PDE6D: variants seen among roughly 807,000 people sequenced by gnomAD.
PDE6D encodes the protein phosphodiesterase 6D.
PDE6D carries 10 observed loss-of-function variants against 21.9 expected under a neutral mutation model. The ratio of observed to expected loss-of-function variants is 0.46; its 90% CI spans 0.28 to 0.78. The LOEUF is 0.78. PDE6D is among the 30% of genes least tolerant of loss of function. The pLI, the probability that PDE6D is intolerant of heterozygous loss-of-function variation, is 0.12. For synonymous variants in PDE6D, 59 were observed against 63.5 expected (o/e 0.93, Z 0.34); for missense variants, 139 against 184.8 (o/e 0.75, Z 1.44).
At chr2:231,766,677 C>T (rs182127329) in intron 1 of PDE6D, among the ~76,000 whole-genome samples, 99 of 152,264 alleles carry the variant, frequency 6.5e-4, no homozygotes, top group African/African-American at 2.3e-3. Context: ...AAACTCAACT[C>T]CTTCAAATTA....
chr2:231,766,078 T>C (rs141803652), intron 1 of PDE6D, among the ~76,000 whole-genome samples: 1 of 152,296 alleles, frequency 6.6e-6, no homozygotes, highest in Non-Finnish European at 1.5e-5. Context: ...ATTTTCCCAT[T>C]TATGGGGGAT....
At chr2:231,763,423 G>A (rs2106280538) in intron 1 of PDE6D, among the ~76,000 whole-genome samples, 1 of 152,138 alleles carries the variant, frequency 6.6e-6, no homozygotes, top group South Asian at 2.1e-4. Flanking sequence ...CATGTATTGA[G>A]GTACTGTGTA....
chr2:231,754,298 A>G (rs2048865873), intron 1 of PDE6D, among the ~76,000 whole-genome samples: 1 of 152,124 alleles, frequency 6.6e-6, no homozygotes, highest in African/African-American at 2.4e-5. Context: ...GAATCTCTCT[A>G]AAACAAATCA....
At position 231,758,670 on chromosome 2, in the gene PDE6D, T is replaced by C. The variant is rs546133625; in HGVS notation, c.51-19482A>G. The stretch of plus-strand genomic sequence containing the variant: ...CCACTGAAGCCAGGGTGGGGAACCA[T>C]GACTTGACAAAGTGTCTCCTAATCC... On this transcript the variant is annotated intron_variant, in intron 1 of 4. Transcript: ENST00000287600. 6.6e-5 allele frequency among the ~76,000 whole-genome samples: 10 copies of C among 152,294 alleles called. No homozygotes were observed. In the East Asian group the frequency reaches 1.9e-3, roughly 29 times the overall value.
chr2:231,779,464 C>T (rs1170989292), intron 1 of PDE6D: 1 of 142,680 alleles, frequency 7.0e-6, no homozygotes, highest in Non-Finnish European at 1.6e-5. Flanking sequence ...AACGTTGCTT[C>T]TGAAATCTCT....
chr2:231,739,136 T>C lies in PDE6D; in HGVS notation c.103A>G (p.Thr35Ala), dbSNP rs1448692172. The change falls in exon 2 of 5, where the codon ACA becomes GCA. Residue 35 changes from threonine to alanine, a missense_variant. Coordinates refer to ENST00000287600, the MANE Select transcript of PDE6D (RefSeq NM_002601.4). The surrounding 1 kb of genome is among the most constrained non-coding windows in gnomAD (Gnocchi z 4.2). ...AETGKILWQG[T>A]EDLSVPGVEH... ...ACACCAGGGACAGACAGGTCTTCTG[T>C]TCCTTGCCAGAGTATCTTCCCTGTC... 5.6e-6 allele frequency: 9 copies of C among 1,613,178 alleles called. No individual in the cohort carries two copies. In the South Asian group the frequency reaches 6.6e-5, roughly 12 times the overall value.
At chr2:231,750,687 T>A (rs2048832745) in intron 1 of PDE6D, among the ~76,000 whole-genome samples, 2 of 130,370 alleles carry the variant, frequency 1.5e-5, no homozygotes, top group African/African-American at 6.4e-5. Flanking sequence ...TTTTTTTTTT[T>A]AGTATAGACT....
At chr2:231,758,025 T>A (rs956188484) in intron 1 of PDE6D, among the ~76,000 whole-genome samples, 1 of 152,172 alleles carries the variant, frequency 6.6e-6, no homozygotes, top group Non-Finnish European at 1.5e-5. Context: ...GGGTTTAATA[T>A]TTTGATGTAT....
rs191344868 is a variant in PDE6D, at chr2:231,739,780, C to T, written c.51-592G>A. 4.6e-5 allele frequency among the ~76,000 whole-genome samples: 7 copies of T among 152,022 alleles called. No individual in the cohort carries two copies. Among genetic ancestry groups the T allele is most frequent in the Non-Finnish European group, 1.0e-4 (7 of 68,012 alleles). ...CTGAGTAGCTGGAATTATAGGAGCA[C>T]GTCACCAAGCCCAGCTTATTTTTGT... On this transcript the variant is annotated intron_variant, in intron 1 of 4. Coordinates refer to ENST00000287600, the MANE Select transcript of PDE6D (RefSeq NM_002601.4). The surrounding 1 kb of genome is among the most constrained non-coding windows in gnomAD (Gnocchi z 4.2).
chr2:231,749,328 A>T (rs890158246), intron 1 of PDE6D, among the ~76,000 whole-genome samples: 2 of 152,024 alleles, frequency 1.3e-5, no homozygotes, highest in Non-Finnish European at 2.9e-5. Flanking sequence ...TGGATTTTGG[A>T]CTTGCATGGG....
chr2:231,734,708 G>C (rs995855510), intron 4 of PDE6D, among the ~76,000 whole-genome samples: 2 of 150,694 alleles, frequency 1.3e-5, no homozygotes, highest in African/African-American at 4.9e-5. Context: ...ATAGCCGGGC[G>C]TGGTGGCGGG....
chr2:231,740,755 G>A (rs2106263243), intron 1 of PDE6D, among the ~76,000 whole-genome samples: 1 of 150,390 alleles, frequency 6.6e-6, no homozygotes, highest in East Asian at 2.0e-4. Flanking sequence ...AAGAGTTCTA[G>A]TGTCTAACTA....
At chr2:231,775,375 T>A (rs2049047201) in intron 1 of PDE6D, among the ~76,000 whole-genome samples, 1 of 151,974 alleles carries the variant, frequency 6.6e-6, no homozygotes. Context: ...TGGGGCACAG[T>A]CTTGGCTCAC....
chr2:231,760,222 C>G (rs980580662), intron 1 of PDE6D, among the ~76,000 whole-genome samples: 1 of 152,150 alleles, frequency 6.6e-6, no homozygotes, highest in African/African-American at 2.4e-5. Flanking sequence ...GGAAAGAATT[C>G]TGTTGTCACA....
intron 1 of PDE6D, among the ~76,000 whole-genome samples, chr2:231,769,531 C>T (rs1328217160): frequency 6.8e-6 from 1 of 146,784 alleles, no homozygotes; most frequent in Non-Finnish European, 1.5e-5. Context: ...CTCTCTCTCA[C>T]ACACACACAC....
At chr2:231,747,334 G>A (rs369464806) in intron 1 of PDE6D, among the ~76,000 whole-genome samples, 2 of 151,538 alleles carry the variant, frequency 1.3e-5, no homozygotes, top group African/African-American at 4.9e-5. Flanking sequence ...CAGGTGATCC[G>A]CCTGCCTCGT....
At chr2:231,766,655 A>G (rs1369255276) in intron 1 of PDE6D, among the ~76,000 whole-genome samples, 1 of 152,178 alleles carries the variant, frequency 6.6e-6, no homozygotes, top group Non-Finnish European at 1.5e-5. Context: ...AAAATGCTAT[A>G]GTATTGGGAA....
At chr2:231,780,939 C>T (rs187301538) in intron 1 of PDE6D, 126 bp downstream of exon 1, 1 of 853,388 alleles carries the variant, frequency 1.2e-6, no homozygotes, top group Non-Finnish European at 1.9e-6. Flanking sequence ...CTGTTCCTTT[C>T]CTCTCCCCTC....
At chr2:231,777,765 C>T (rs1479139316) in intron 1 of PDE6D, among the ~76,000 whole-genome samples, 1 of 152,126 alleles carries the variant, frequency 6.6e-6, no homozygotes, top group Non-Finnish European at 1.5e-5. Flanking sequence ...GATGGACTAA[C>T]TACTTAGTAA....
Sources: gnomAD v4.1 joint callset for allele counts (sites outside exome capture counted in the v4.1 genomes callset) on GRCh38, gnomAD v4.1.1 for gene constraint, Gnocchi (gnomAD v3.1) non-coding constraint, MANE v1.5 for transcripts, NCBI Gene and HGNC (gene_info 2026-07-23, HGNC 2026-07-21) for gene names.